Variants in GRID2 observed in about 807,000 individuals in gnomAD.
GRID2 encodes glutamate ionotropic receptor delta type subunit 2.
A neutral mutation model predicts 114.8 loss-of-function variants in GRID2; 33 were observed. That is an observed-to-expected ratio of 0.29 (90% CI 0.22 to 0.38). The LOEUF (loss-of-function observed/expected upper bound fraction) is 0.38. Ranked by LOEUF, GRID2 falls within the 10% of genes least tolerant of loss-of-function variation. The pLI, the probability that GRID2 is intolerant of heterozygous loss-of-function variation, is 1.00. For synonymous variants in GRID2, 505 were observed against 449.9 expected, an observed-to-expected ratio of 1.12 and a Z score of -1.55; for missense variants, 1,184 against 1,257.7, an observed-to-expected ratio of 0.94 and a Z score of 0.89.
intron 1 of GRID2, among the ~76,000 whole-genome samples, chr4:92,585,915 A>G (rs1052040497): frequency 6.6e-6 from 1 of 151,914 alleles, no homozygotes; most frequent in Admixed American, 6.6e-5. Context: ...ATGCAAGTAC[A>G]TTTTCAAGTC....
chr4:93,712,018 TG>T (rs150552447), intron 14 of GRID2, among the ~76,000 whole-genome samples: 6,349 of 152,144 alleles, frequency 0.042, 215 homozygotes, highest in African/African-American at 0.084. Context: ...TTGTTGTTGT[TG>T]TTGTTTTAAT....
intron 1 of GRID2, among the ~76,000 whole-genome samples, chr4:92,440,057 T>G (rs1262550434): frequency 4.8e-5 from 7 of 145,924 alleles, no homozygotes; most frequent in Admixed American, 4.8e-4. Flanking sequence ...TACAGGAGCT[T>G]AAATGGGCTG....
chr4:93,750,947 TGTG>T (rs1732273679), intron 14 of GRID2, among the ~76,000 whole-genome samples: 1 of 152,094 alleles, frequency 6.6e-6, no homozygotes, highest in Non-Finnish European at 1.5e-5. Context: ...GTTTGGGAAA[TGTG>T]GAGAAAGTTG....
intron 2 of GRID2, among the ~76,000 whole-genome samples, chr4:92,723,415 T>A (rs1735906218): frequency 6.6e-6 from 1 of 152,056 alleles, no homozygotes; most frequent in South Asian, 2.1e-4. Flanking sequence ...GTTGTAAGAG[T>A]TGTGTAATGT....
At chr4:93,359,016 G>T (rs1282380192) in intron 8 of GRID2, among the ~76,000 whole-genome samples, 1 of 152,042 alleles carries the variant, frequency 6.6e-6, no homozygotes, top group Non-Finnish European at 1.5e-5. Context: ...TGGTTGATGG[G>T]ATGTTCTGCT....
chr4:93,343,217 A>G (rs1443755405), intron 8 of GRID2, among the ~76,000 whole-genome samples: 1 of 151,790 alleles, frequency 6.6e-6, no homozygotes, highest in Non-Finnish European at 1.5e-5. Flanking sequence ...AAGTTCCCTT[A>G]TAATAATTAT....
intron 13 of GRID2, among the ~76,000 whole-genome samples, chr4:93,606,501 G>A (rs1447165487): frequency 1.3e-5 from 2 of 152,114 alleles, no homozygotes; most frequent in Admixed American, 1.3e-4. Context: ...TAGGATTTAG[G>A]TTGTTTTACA....
chr4:93,000,206 A>T (rs978863264), intron 2 of GRID2, among the ~76,000 whole-genome samples: 1 of 151,690 alleles, frequency 6.6e-6, no homozygotes, highest in East Asian at 1.9e-4. Flanking sequence ...GAAATAATAT[A>T]TGTATTAGTG....
At chr4:92,864,642 T>C (rs1473642851) in intron 2 of GRID2, among the ~76,000 whole-genome samples, 3 of 152,150 alleles carry the variant, frequency 2.0e-5, no homozygotes, top group Non-Finnish European at 4.4e-5. Flanking sequence ...CTTCCAGATA[T>C]TAGGAAGGGT....
chr4:93,483,822 A>G (rs1905712), intron 11 of GRID2, among the ~76,000 whole-genome samples: 110,244 of 151,660 alleles, frequency 0.73, 40,602 homozygotes, highest in African/African-American at 0.86. Context: ...AAACTTATCA[A>G]GGGCTATAGG....
chr4:92,304,660 G>C lies in GRID2; in HGVS notation c.4G>C (p.Glu2Gln). M[E>Q]VFPFLLVLSV... ...AAGAGAATCGGCATAGGAGGAGATG[G>C]AAGTTTTCCCCTTTCTCTTGGTTTT... The change falls in exon 1 of 16, where the codon GAA (glutamate) becomes CAA (glutamine). Residue 2 changes from glutamate to glutamine, a missense_variant. By Grantham distance (29) the Glu-to-Gln change is conservative. Around this residue, in one of 3 missense-constraint regions of GRID2, gnomAD observed 455 missense variants for 429.5 expected, o/e 1.06. Coordinates refer to ENST00000282020, the MANE Select transcript of GRID2 (RefSeq NM_001510.4). 1 of 1,610,676 alleles carries C rather than the reference G, an allele frequency of 6.2e-7. No homozygotes were observed. The highest frequency in any genetic ancestry group is 1.1e-5 in the South Asian group (1 of 91,006).
intron 2 of GRID2, among the ~76,000 whole-genome samples, chr4:92,632,627 G>A (rs1730862471): frequency 2.6e-5 from 4 of 151,382 alleles, no homozygotes; most frequent in Admixed American, 2.6e-4. Flanking sequence ...GCGAGATTCT[G>A]TCTCGAAAGA....
intron 13 of GRID2, among the ~76,000 whole-genome samples, chr4:93,527,494 A>G (rs1380294411): frequency 3.9e-5 from 6 of 152,088 alleles, no homozygotes; most frequent in Non-Finnish European, 8.8e-5. Context: ...TATTTCTCCT[A>G]TTATACCTAA....
chr4:93,604,166 A>G (rs1032467834), intron 13 of GRID2, among the ~76,000 whole-genome samples: 2 of 152,256 alleles, frequency 1.3e-5, no homozygotes, highest in African/African-American at 4.8e-5. Context: ...TCTAGATGCC[A>G]GTAAGAACAT....
chr4:93,534,048 G>T (rs1731773282), intron 13 of GRID2, among the ~76,000 whole-genome samples: 1 of 151,974 alleles, frequency 6.6e-6, no homozygotes, highest in Non-Finnish European at 1.5e-5. Flanking sequence ...TTCACTGGCT[G>T]TTTTCTGTTC....
intron 10 of GRID2, among the ~76,000 whole-genome samples, chr4:93,424,308 G>C (rs978558226): frequency 4.6e-5 from 7 of 151,874 alleles, no homozygotes; most frequent in African/African-American, 7.3e-5. Flanking sequence ...CTCCCATTTG[G>C]TATAATTTAC....
intron 2 of GRID2, among the ~76,000 whole-genome samples, chr4:92,718,209 A>T (rs1382787060): frequency 6.6e-6 from 1 of 152,198 alleles, no homozygotes; most frequent in South Asian, 2.1e-4. Flanking sequence ...TCAGGAAAAA[A>T]TTATATAGTT....
chr4:93,413,138 T>C (rs964134903), intron 9 of GRID2, among the ~76,000 whole-genome samples: 3 of 152,090 alleles, frequency 2.0e-5, no homozygotes, highest in Admixed American at 1.3e-4. Context: ...GGTCAAATGG[T>C]ATTTCTGGTT....
At chr4:92,405,383 A>G (rs1730978878) in intron 1 of GRID2, among the ~76,000 whole-genome samples, 1 of 152,168 alleles carries the variant, frequency 6.6e-6, no homozygotes, top group Admixed American at 6.5e-5. Context: ...TCTGGAACTG[A>G]CATTCTATTA....
Sources: gnomAD v4.1 joint callset for allele counts (sites outside exome capture counted in the v4.1 genomes callset) on GRCh38, gnomAD v4.1.1 for gene constraint, gnomAD v4.1.1 regional missense constraint, MANE v1.5 for transcripts, NCBI Gene and HGNC (gene_info 2026-07-23, HGNC 2026-07-21) for gene names.